The following FAM219A variants were observed in gnomAD, a reference collection of about 807,000 sequenced individuals.
FAM219A encodes protein FAM219A.
FAM219A carries 7 observed loss-of-function variants against 23.4 expected under a neutral mutation model. The observed-to-expected ratio is 0.30, with a 90% CI of 0.17 to 0.56. The LOEUF (loss-of-function observed/expected upper bound fraction) is 0.56, where lower values mean the gene tolerates loss of function less well. Among genes scored for constraint, FAM219A ranks in the 20% least tolerant of loss-of-function variants. The pLI, the probability that FAM219A is intolerant of heterozygous loss-of-function variation, is 0.92. For missense variants in FAM219A, 166 were observed against 246.9 expected, an observed-to-expected ratio of 0.67 and a Z score of 2.20; for synonymous variants, 93 against 99.0, an observed-to-expected ratio of 0.94 and a Z score of 0.36.
At chr9:34,436,297 G>C (rs1822916684) in intron 1 of FAM219A, among the ~76,000 whole-genome samples, 1 of 151,930 alleles carries the variant, frequency 6.6e-6, no homozygotes, top group Non-Finnish European at 1.5e-5. Flanking sequence ...TCAAGCTGGA[G>C]TGTAGTGGCA....
chr9:34,431,486 G>A (rs1822701238), intron 1 of FAM219A, among the ~76,000 whole-genome samples: 1 of 152,216 alleles, frequency 6.6e-6, no homozygotes, highest in Admixed American at 6.5e-5. Context: ...TGAGCAGAAT[G>A]CACCTGCTTT....
At chr9:34,436,600 A>AAGTCCTAG (rs1219893862) in intron 1 of FAM219A, among the ~76,000 whole-genome samples, 1 of 152,224 alleles carries the variant, frequency 6.6e-6, no homozygotes, top group Non-Finnish European at 1.5e-5. Flanking sequence ...TTCTTTAAGA[A>AAGTCCTAG]AGTCCTAGAA....
At chr9:34,411,676 CAAAAAAAA>C (rs55988337) in intron 1 of FAM219A, among the ~76,000 whole-genome samples, 2 of 114,620 alleles carry the variant, frequency 1.7e-5, no homozygotes, top group African/African-American at 6.4e-5. Context: ...GACTCCGTCT[CAAAAAAAA>C]AAAAAAAAAG....
At chr9:34,412,217 A>G (rs1379231878) in intron 1 of FAM219A, among the ~76,000 whole-genome samples, 17 of 152,214 alleles carry the variant, frequency 1.1e-4, no homozygotes, top group Non-Finnish European at 2.5e-4. Flanking sequence ...CAATGCCAGC[A>G]AGAGATAATA....
At chr9:34,454,382 GCCAAGATCACA>G (rs1284046381) in intron 1 of FAM219A, among the ~76,000 whole-genome samples, 6 of 152,176 alleles carry the variant, frequency 3.9e-5, no homozygotes, top group African/African-American at 1.4e-4. Context: ...GTTGCAGTGA[GCCAAGATCACA>G]CCACCGCACT....
At chr9:34,412,297 G>T (rs949421498) in intron 1 of FAM219A, among the ~76,000 whole-genome samples, 1 of 152,180 alleles carries the variant, frequency 6.6e-6, no homozygotes, top group Non-Finnish European at 1.5e-5. Context: ...AGTAGAATTG[G>T]CAGGCTTCTG....
At chr9:34,414,295 T>C (rs1237591446) in intron 1 of FAM219A, among the ~76,000 whole-genome samples, 1 of 152,196 alleles carries the variant, frequency 6.6e-6, no homozygotes, top group Non-Finnish European at 1.5e-5. Flanking sequence ...CCTCAACACA[T>C]TGGCCATTTC....
chr9:34,414,291 C>T lies in FAM219A; in HGVS notation c.61-8327G>A, dbSNP rs73498717. ...AGTATGACCTGAAGTCACACCTCAA[C>T]ACATTGGCCATTTCTGAATCCCACT... On this transcript the variant is annotated intron_variant, in intron 1 of 5. Coordinates refer to ENST00000651358, the MANE Select transcript of FAM219A (RefSeq NM_001184940.2). 1.6e-3 allele frequency among the ~76,000 whole-genome samples: 239 copies of T among 152,330 alleles called. 2 individuals carry two copies. The highest frequency in any genetic ancestry group is 5.5e-3 in the African/African-American group (227 of 41,568).
At chr9:34,402,842 C>T in intron 2 of FAM219A, 35 bp from the exon 3 acceptor site, 2 of 1,598,708 alleles carry the variant, frequency 1.3e-6, no homozygotes, top group Non-Finnish European at 1.7e-6. Context: ...CTGTGTCCTG[C>T]CCCTGAGGCC....
intron 4 of FAM219A, 198 bp downstream of exon 4, chr9:34,402,189 T>G (rs763620039): frequency 2.3e-4 from 352 of 1,512,626 alleles, no homozygotes; most frequent in Non-Finnish European, 3.1e-4. Context: ...AGGCCCCCCT[T>G]TCCTCTCTCT....
At chr9:34,440,117 C>T (rs1022984178) in intron 1 of FAM219A, among the ~76,000 whole-genome samples, 5 of 152,292 alleles carry the variant, frequency 3.3e-5, no homozygotes, top group Non-Finnish European at 7.4e-5. Context: ...CTGTGAGGCT[C>T]TTATCAGGAA....
Position 34,399,867 on chromosome 9 carries a change from G to A in FAM219A, c.*1097C>T, listed in dbSNP as rs983625573. The A allele has an allele frequency of 2.0e-5, 3 of 152,328 alleles. No individual in the cohort carries two copies. Among genetic ancestry groups the A allele is most frequent in the African/African-American group, 7.2e-5 (3 of 41,444 alleles). 9.4% of individuals were successfully genotyped at this position (152,328 alleles called of 1,614,324 possible). On this transcript the variant is annotated 3_prime_UTR_variant, in exon 6 of 6. Coordinates refer to ENST00000651358, the MANE Select transcript of FAM219A (RefSeq NM_001184940.2). ...TGAGCCGCCTTCTGCACTGTAAACA[G>A]ACCACACAGGCACTTCCCTACCAGG...
intron 2 of FAM219A, 116 bp downstream of exon 2, chr9:34,405,749 C>A: frequency 9.8e-7 from 1 of 1,024,144 alleles, no homozygotes; most frequent in Non-Finnish European, 1.5e-6. Flanking sequence ...GACTTGAAGG[C>A]TTGAGTCTTG....
At chr9:34,407,344 A>G (rs1049467922) in intron 1 of FAM219A, among the ~76,000 whole-genome samples, 5 of 152,182 alleles carry the variant, frequency 3.3e-5, no homozygotes, top group Admixed American at 2.6e-4. Context: ...AAAAGGTTCT[A>G]TTTTTTAAAA....
chr9:34,447,166 C>G (rs1823405328), intron 1 of FAM219A, among the ~76,000 whole-genome samples: 1 of 152,226 alleles, frequency 6.6e-6, no homozygotes, highest in African/African-American at 2.4e-5. Context: ...CATCATCTCA[C>G]TATCCTCAGT....
At chr9:34,451,522 A>T (rs1823559083) in intron 1 of FAM219A, among the ~76,000 whole-genome samples, 1 of 152,066 alleles carries the variant, frequency 6.6e-6, no homozygotes, top group Admixed American at 6.5e-5. Flanking sequence ...AAGAAGCTAA[A>T]TTTCCCATGT....
intron 5 of FAM219A, 117 bp from the exon 6 acceptor site, chr9:34,401,239 C>T (rs1220026286): frequency 7.8e-6 from 10 of 1,276,900 alleles, no homozygotes; most frequent in South Asian, 2.7e-5. Context: ...ATATCAGCCC[C>T]GCCCTGTCCC....
At chr9:34,446,721 C>G (rs1126119) in intron 1 of FAM219A, among the ~76,000 whole-genome samples, 18,321 of 152,264 alleles carry the variant, frequency 0.12, 1,419 homozygotes, top group Non-Finnish European at 0.18. Context: ...CCTCAAAATG[C>G]TTTCTCTGAG....
chr9:34,458,126 C>T lies in FAM219A; in HGVS notation c.60+78G>A, dbSNP rs1383559971. The T allele has an allele frequency of 1.5e-6, 2 of 1,348,670 alleles. No individual in the cohort carries two copies. The highest frequency in any genetic ancestry group is 2.0e-6 in the Non-Finnish European group (2 of 1,009,814). The allele number at this position is 1,348,670 out of a possible 1,614,324, so 83.5% of individuals were successfully genotyped here. On this transcript the variant is annotated intron_variant, in intron 1 of 5. Coordinates refer to ENST00000651358, the MANE Select transcript of FAM219A (RefSeq NM_001184940.2). The surrounding 1 kb of genome is among the most constrained non-coding windows in gnomAD (Gnocchi z 6.6). Reference sequence around the variant, plus strand: ...ATCCGATGGCGCCCCTCCGCACGATCCCCCCGGCCTGATTCCCTCCCTCCC... The same window carrying T: ...ATCCGATGGCGCCCCTCCGCACGATTCCCCCGGCCTGATTCCCTCCCTCCC...
Sources: gnomAD v4.1 joint callset for allele counts (sites outside exome capture counted in the v4.1 genomes callset) on GRCh38, gnomAD v4.1.1 for gene constraint, Gnocchi (gnomAD v3.1) non-coding constraint, MANE v1.5 for transcripts, NCBI Gene and HGNC (gene_info 2026-07-23, HGNC 2026-07-21) for gene names.